GALNT13: variants seen among roughly 807,000 people sequenced by gnomAD.
GALNT13 encodes UDP-GalNAc:polypeptide N-acetylgalactosaminyltransferase 13.
GALNT13 carries 28 observed loss-of-function variants against 64.2 expected under a neutral mutation model. The observed-to-expected ratio is 0.44, with a 90% CI of 0.32 to 0.60. GALNT13 has a LOEUF of 0.60. Among genes scored for constraint, GALNT13 ranks in the 20% least tolerant of loss-of-function variants. GALNT13 has a pLI of 0.05. For synonymous variants in GALNT13, 214 were observed against 224.6 expected, an observed-to-expected ratio of 0.95 and a Z score of 0.42; for missense variants, 577 against 669.8, an observed-to-expected ratio of 0.86 and a Z score of 1.53.
At chr2:154,439,919 A>G (rs1701199968) in intron 12 of GALNT13, among the ~76,000 whole-genome samples, 1 of 152,102 alleles carries the variant, frequency 6.6e-6, no homozygotes, top group South Asian at 2.1e-4. Context: ...TGCCTTCGCT[A>G]TATCTTACTC....
chr2:153,948,144 G>A (rs1199646336), intron 3 of GALNT13, among the ~76,000 whole-genome samples: 2 of 151,852 alleles, frequency 1.3e-5, no homozygotes. Context: ...TTTTTGCTTA[G>A]GATTGCTTTG....
the GALNT13 span, among the ~76,000 whole-genome samples, chr2:153,200,114 TTGA>T: frequency 4.0e-5 from 6 of 151,850 alleles, no homozygotes; most frequent in African/African-American, 1.5e-4. Context: ...GACTTTGGAG[TTGA>T]TGGATAATTC....
the GALNT13 span, among the ~76,000 whole-genome samples, chr2:153,100,847 G>A: frequency 1.3e-5 from 2 of 152,068 alleles, no homozygotes; most frequent in African/African-American, 2.4e-5. Flanking sequence ...TGGCCAACAT[G>A]GTGAAACCCC....
At chr2:153,569,476 CATGAATGTCTTCTCCAACT>C in the GALNT13 span, among the ~76,000 whole-genome samples, 2 of 150,900 alleles carry the variant, frequency 1.3e-5, no homozygotes, top group Non-Finnish European at 2.9e-5. Flanking sequence ...ATATGTGTGG[CATGAATGTCTTCTCCAACT>C]ATCTGGGTTT....
At position 154,298,750 on chromosome 2, in the gene GALNT13, A is replaced by G. The variant is rs1559076167; in HGVS notation, c.976-2659A>G. Among the ~76,000 whole-genome samples the G allele has an allele frequency of 1.4e-4, 11 of 78,088 alleles. 3 individuals carry two copies. Among genetic ancestry groups the G allele is most frequent in the African/African-American group, 2.1e-4 (5 of 23,518 alleles). The allele number at this position is 78,088 out of a possible 152,430, so 51.2% of individuals were successfully genotyped here. On this transcript the variant is annotated intron_variant, in intron 8 of 12. Coordinates refer to ENST00000392825, the MANE Select transcript of GALNT13 (RefSeq NM_052917.4). ...TTATTTATATATAGTATATATAAAT[A>G]TATATACTATATATAAATTATATAT...
the GALNT13 span, among the ~76,000 whole-genome samples, chr2:153,402,334 G>A: frequency 6.6e-6 from 1 of 151,442 alleles, no homozygotes; most frequent in Admixed American, 6.6e-5. Context: ...AGGGTAACCC[G>A]ACCTTTCTCT....
At chr2:153,132,335 G>A in the GALNT13 span, among the ~76,000 whole-genome samples, 3 of 152,128 alleles carry the variant, frequency 2.0e-5, no homozygotes, top group African/African-American at 7.2e-5. Context: ...CTCAGCTGTG[G>A]GGAGGGAGAA....
the GALNT13 span, among the ~76,000 whole-genome samples, chr2:153,612,765 A>C: frequency 6.6e-6 from 1 of 152,202 alleles, no homozygotes; most frequent in African/African-American, 2.4e-5. Flanking sequence ...AAGTGAGAAC[A>C]ATCTATTATC....
intron 9 of GALNT13, among the ~76,000 whole-genome samples, chr2:154,347,083 A>G (rs550629248): frequency 1.3e-5 from 2 of 152,244 alleles, no homozygotes; most frequent in South Asian, 2.1e-4. Context: ...ACAATGCTAG[A>G]AAGTTAGCAT....
intron 9 of GALNT13, among the ~76,000 whole-genome samples, chr2:154,341,104 C>T (rs1182398242): frequency 1.3e-5 from 2 of 152,082 alleles, no homozygotes; most frequent in Non-Finnish European, 2.9e-5. Context: ...TAGAACTCAA[C>T]ATTTGTGTAT....
At chr2:153,948,282 G>A (rs1429176336) in intron 3 of GALNT13, among the ~76,000 whole-genome samples, 1 of 150,678 alleles carries the variant, frequency 6.6e-6, no homozygotes, top group Non-Finnish European at 1.5e-5. Flanking sequence ...TTAGCTAATT[G>A]CAAATCAAAG....
the GALNT13 span, among the ~76,000 whole-genome samples, chr2:153,155,385 T>G: frequency 6.6e-6 from 1 of 152,198 alleles, no homozygotes; most frequent in Non-Finnish European, 1.5e-5. Flanking sequence ...TATTCATTAC[T>G]GCCTCAATTT....
At chr2:154,153,185 C>G (rs1420309196) in intron 4 of GALNT13, among the ~76,000 whole-genome samples, 1 of 152,176 alleles carries the variant, frequency 6.6e-6, no homozygotes, top group Non-Finnish European at 1.5e-5. Context: ...TTGGAGTTTG[C>G]TAGAGGTCCA....
chr2:153,241,415 G>T, the GALNT13 span, among the ~76,000 whole-genome samples: 2 of 152,130 alleles, frequency 1.3e-5, no homozygotes, highest in African/African-American at 2.4e-5. Flanking sequence ...TGCTAATTTT[G>T]TTCCCCATGC....
At chr2:153,217,812 C>T in the GALNT13 span, among the ~76,000 whole-genome samples, 1 of 152,092 alleles carries the variant, frequency 6.6e-6, no homozygotes, top group Non-Finnish European at 1.5e-5. Flanking sequence ...TAAGTCTGAT[C>T]CTGTTTAATA....
chr2:153,830,272 TAATA>T, the GALNT13 span, among the ~76,000 whole-genome samples: 1 of 152,164 alleles, frequency 6.6e-6, no homozygotes, highest in African/African-American at 2.4e-5. Flanking sequence ...GTTAGATATG[TAATA>T]AATTCACAAT....
the GALNT13 span, among the ~76,000 whole-genome samples, chr2:153,476,710 G>C: frequency 2.6e-5 from 4 of 152,272 alleles, no homozygotes; most frequent in South Asian, 6.2e-4. Flanking sequence ...AGAACAGGCT[G>C]AATCTTTTAA....
the GALNT13 span, among the ~76,000 whole-genome samples, chr2:153,480,643 A>G: frequency 7.2e-5 from 11 of 152,232 alleles, no homozygotes; most frequent in Non-Finnish European, 1.5e-4. Flanking sequence ...GTCCTCAAGA[A>G]TAATAAAACG....
the GALNT13 span, among the ~76,000 whole-genome samples, chr2:153,390,994 G>C: frequency 6.6e-6 from 1 of 152,078 alleles, no homozygotes; most frequent in African/African-American, 2.4e-5. Context: ...ATTTTAAACA[G>C]GGTGGTGAGA....
Sources: gnomAD v4.1 joint callset for allele counts (sites outside exome capture counted in the v4.1 genomes callset) on GRCh38, gnomAD v4.1.1 for gene constraint, MANE v1.5 for transcripts, NCBI Gene and HGNC (gene_info 2026-07-23, HGNC 2026-07-21) for gene names.